ITGA5: variants seen among roughly 807,000 people sequenced by gnomAD.
ITGA5 encodes the protein integrin alpha-5.
In ITGA5, 55 loss-of-function variants were observed where a neutral mutation model predicts 146.3. The observed-to-expected ratio is 0.38, with a 90% CI of 0.30 to 0.47. The LOEUF is 0.47. Ranked by LOEUF, ITGA5 falls within the 20% of genes least tolerant of loss-of-function variation. ITGA5 has a pLI of 0.99. For missense variants in ITGA5, 1,131 were observed against 1,329.0 expected (o/e 0.85, Z 2.32); for synonymous variants, 500 against 531.8 (o/e 0.94, Z 0.82).
rs1282401868 is a variant in ITGA5, at chr12:54,409,821, CAT to C, written c.350-226_350-225del. ...ACACACATACACATACACACACACA[CAT>C]ACATACACACGCACGCACACGCACA... On this transcript the variant is annotated intron_variant, in intron 2 of 29. Coordinates refer to ENST00000293379, the MANE Select transcript of ITGA5 (RefSeq NM_002205.5). This position sits in a 1 kb window ranked among gnomAD's most constrained non-coding sequence, Gnocchi z 4.7. 2.0e-5 allele frequency: 10 copies of C among 492,866 alleles called. No individual in the cohort carries two copies. The highest frequency in any genetic ancestry group is 1.7e-4 in the South Asian group (7 of 40,204). The allele number at this position is 492,866 out of a possible 1,614,324, so 30.5% of individuals were successfully genotyped here. A position where few individuals can be genotyped will look rare whatever the true frequency, so the allele number is the denominator to read the frequency against.
chr12:54,419,090 G>T lies in ITGA5; in HGVS notation c.109C>A (p.Pro37Thr), dbSNP rs748198005. Residue 37 changes from proline (P) to threonine (T), a missense_variant, in exon 1 of 30, where the codon CCC becomes ACC. By Grantham distance (38) the Pro-to-Thr change is conservative. Transcript: ENST00000293379. ...TCTAAGTTGAAGCCCCCGACCCTGG[G>T]TGGCGGCGGCAGCAGCAGCAACAGC... is the stretch of plus-strand genomic sequence containing the variant. ...PLLLLLLPPPPRVGGFNLDAE... is the reference protein window; with the variant it reads ...PLLLLLLPPPTRVGGFNLDAE... 12 of 1,588,698 alleles carry T rather than the reference G, an allele frequency of 7.6e-6. No individual in the cohort carries two copies. In the Admixed American group the frequency reaches 2.2e-4, roughly 29 times the overall value.
intron 2 of ITGA5, 35 bp downstream of exon 2, chr12:54,411,799 A>T (rs200394361): frequency 8.5e-5 from 102 of 1,204,216 alleles, no homozygotes; most frequent in Non-Finnish European, 1.0e-4. Context: ...CTGCAGTCCC[A>T]CCCCCCAGTC....
intron 2 of ITGA5, among the ~76,000 whole-genome samples, chr12:54,410,612 A>G (rs574020399): frequency 6.6e-6 from 1 of 151,574 alleles, no homozygotes; most frequent in South Asian, 2.1e-4. Flanking sequence ...GCAGTGGGGC[A>G]AGTAGCACTC....
chr12:54,396,144 T>C lies in ITGA5; in HGVS notation c.*149A>G, dbSNP rs1387403740. ...ATCCCCAGCTCCTCACCCCCCTGGC[T>C]CTGGCCCTTCAAGTATGTCTCTGGG... is the stretch of plus-strand genomic sequence containing the variant. On this transcript the variant is annotated 3_prime_UTR_variant, in exon 30 of 30. Transcript: ENST00000293379. The C allele has an allele frequency of 4.8e-6, 3 of 631,448 alleles. No homozygotes were observed. The highest frequency in any genetic ancestry group is 3.7e-5 in the African/African-American group (2 of 54,466). The allele number at this position is 631,448 out of a possible 1,614,324, so 39.1% of individuals were successfully genotyped here.
At chr12:54,398,054 C>T (rs1263971380) in intron 28 of ITGA5, among the ~76,000 whole-genome samples, 3 of 152,110 alleles carry the variant, frequency 2.0e-5, no homozygotes, top group Admixed American at 6.5e-5. Context: ...TGCGCCACCA[C>T]ATCTGGCTAA....
Position 54,402,085 on chromosome 12 carries a change from G to C in ITGA5, c.2142C>G (p.Ser714=), listed in dbSNP as rs151324601. Residue 714 remains serine, a synonymous_variant, in exon 21 of 30, where the codon TCC becomes TCG. Coordinates refer to ENST00000293379, the MANE Select transcript of ITGA5 (RefSeq NM_002205.5). The stretch of plus-strand genomic sequence containing the variant: ...CGGCAAAGTAGTCACAGCTCAGGCT[G>C]GAGAAGTTCTGGAGATGGGGTGGGC... ...SGLVRHPGNF[S]SLSCDYFAVN... is the part of the protein sequence containing the mutation. 9.1e-4 allele frequency: 1,473 copies of C among 1,614,170 alleles called. 2 individuals are homozygous for C. The highest frequency in any genetic ancestry group is 1.2e-3 in the Non-Finnish European group (1,392 of 1,180,022).
Position 54,419,176 on chromosome 12 carries a change from G to T in ITGA5, c.23C>A (p.Ser8Tyr). The change falls in exon 1 of 30, where the codon TCC (serine) becomes TAC (tyrosine). Residue 8 changes from serine to tyrosine, a missense_variant. By Grantham distance (144) the Ser-to-Tyr change is moderately radical. Coordinates refer to ENST00000293379, the MANE Select transcript of ITGA5 (RefSeq NM_002205.5). ...GCGCAGCTGCACGGCGTGGAGAGGGGACTCTGGCGTCCGGCTCCCCATAGC... is the reference window on the plus strand; with the variant it reads ...GCGCAGCTGCACGGCGTGGAGAGGGTACTCTGGCGTCCGGCTCCCCATAGC... MGSRTPE[S>Y]PLHAVQLRWG... The T allele has an allele frequency of 6.4e-7, 1 of 1,572,802 alleles. No homozygotes were observed. The highest frequency in any genetic ancestry group is 8.6e-7 in the Non-Finnish European group (1 of 1,160,290).
At chr12:54,397,269 G>T in intron 29 of ITGA5, 96 bp downstream of exon 29, 1 of 1,388,284 alleles carries the variant, frequency 7.2e-7, no homozygotes, top group Non-Finnish European at 1.0e-6. Flanking sequence ...GCACATGGCT[G>T]GTGAACTGGT....
At chr12:54,417,336 A>C (rs1472571509) in intron 1 of ITGA5, among the ~76,000 whole-genome samples, 2 of 151,766 alleles carry the variant, frequency 1.3e-5, no homozygotes, top group African/African-American at 4.8e-5. Flanking sequence ...CTGCGGGAGG[A>C]GACCTCATCC....
In ITGA5 at chr12:54,403,255, C is replaced by T; in HGVS notation, c.1846G>A (p.Ala616Thr). 1.9e-6 allele frequency: 3 copies of T among 1,567,188 alleles called. No individual in the cohort carries two copies. Among genetic ancestry groups the T allele is most frequent in the Non-Finnish European group, 2.6e-6 (3 of 1,159,990 alleles). Residue 616 changes from alanine (A) to threonine (T), a missense_variant, in exon 18 of 30, where the codon GCC becomes ACC. This residue lies in a region of ITGA5 where 889 missense variants were observed against 1,021.5 expected (regional missense o/e 0.87). Coordinates refer to ENST00000293379, the MANE Select transcript of ITGA5 (RefSeq NM_002205.5). This position sits in a 1 kb window ranked among gnomAD's most constrained non-coding sequence, Gnocchi z 4.9. ...IALNFSLDPQ[A>T]PVDSHGLRPA... The stretch of plus-strand genomic sequence containing the variant: ...CTGAGGCCGTGGCTGTCCACTGGGG[C>T]TTGGGGGTCCAAGGAGAAGTTGAGA...
chr12:54,419,152 C>A lies in ITGA5; in HGVS notation c.47G>T (p.Arg16Leu). 1 of 1,585,552 alleles carries A rather than the reference C, an allele frequency of 6.3e-7. No homozygotes were observed. The highest frequency in any genetic ancestry group is 1.1e-5 in the South Asian group (1 of 88,762). Residue 16 changes from arginine (R) to leucine (L), a missense_variant, in exon 1 of 30, where the codon CGC (arginine) becomes CTC (leucine). Arg to Leu is a moderately radical substitution (Grantham distance 102). Around this residue, in one of 3 missense-constraint regions of ITGA5, gnomAD observed 175 missense variants for 179.3 expected, o/e 0.98. Transcript: ENST00000293379. ...PESPLHAVQL[R>L]WGPRRRPPLL... ...CGGGGGTCGGCGCCGGGGGCCCCAG[C>A]GCAGCTGCACGGCGTGGAGAGGGGA... is the stretch of plus-strand genomic sequence containing the variant.
At position 54,399,635 on chromosome 12, in the gene ITGA5, G is replaced by T. The variant is rs752692825; in HGVS notation, c.2841+10C>A. ...GGTCAGGGGTCAGGGCTGAGGTAAGGCTCCCTCACCTGCAAGAAAGTCTTG... is the reference window on the plus strand; with the variant it reads ...GGTCAGGGGTCAGGGCTGAGGTAAGTCTCCCTCACCTGCAAGAAAGTCTTG... On this transcript the variant is annotated intron_variant, in intron 27 of 29. Coordinates refer to ENST00000293379, the MANE Select transcript of ITGA5 (RefSeq NM_002205.5). 15 of 1,599,986 alleles carry T rather than the reference G, an allele frequency of 9.4e-6. No individual in the cohort carries two copies. The highest frequency in any genetic ancestry group is 1.7e-4 in the Middle Eastern group (1 of 6,042).
rs1261244924 is a variant in ITGA5 at position 54,409,154 on chromosome 12, G to A, written c.583+78C>T. ...CCTCATGGGGGCACATGGTAGGTGC[G>A]AGTCAACCCTAAGTATGTGAGACAC... On this transcript the variant is annotated intron_variant, in intron 4 of 29. Transcript: ENST00000293379. The surrounding 1 kb of genome is among the most constrained non-coding windows in gnomAD (Gnocchi z 4.7). The A allele has an allele frequency of 3.9e-6, 6 of 1,550,400 alleles. No individual in the cohort carries two copies. The South Asian group carries it at 4.9e-5, about 13-fold the overall frequency.
chr12:54,398,526 C>A, intron 28 of ITGA5, 71 bp downstream of exon 28: 1 of 1,119,700 alleles, frequency 8.9e-7, no homozygotes, highest in South Asian at 1.3e-5. Context: ...CAGCCCTCAC[C>A]CAAGTCCCAG....
In ITGA5 at chr12:54,408,244, A is replaced by C. The variant is rs1955892957; in HGVS notation, c.692-9T>G. On this transcript the variant is annotated splice_polypyrimidine_tract_variant and intron_variant, in intron 6 of 29. Coordinates refer to ENST00000293379, the MANE Select transcript of ITGA5 (RefSeq NM_002205.5). The stretch of plus-strand genomic sequence containing the variant: ...GGCAGACAGGATCTGGCCTGGAGAG[A>C]GTATGAAGAGGGAGTAGATGGAGAG... 6.2e-7 allele frequency: 1 copy of C among 1,613,664 alleles called. No individual in the cohort carries two copies. Among genetic ancestry groups the C allele is most frequent in the Non-Finnish European group, 8.5e-7 (1 of 1,179,874 alleles).
rs1189302039 is a variant in ITGA5, at chr12:54,408,069, A to G, written c.817+41T>C. 4 of 1,612,052 alleles carry G rather than the reference A, an allele frequency of 2.5e-6. No individual in the cohort carries two copies. The African/African-American group carries it at 5.3e-5, about 22-fold the overall frequency. On this transcript the variant is annotated intron_variant, in intron 7 of 29. Transcript: ENST00000293379. ...GGGTGAGTGGGGACAGGAGCACTTG[A>G]GGTTCTCCCTCTGCCATCCCTTCCC...
intron 5 of ITGA5, 34 bp from the exon 6 acceptor site, chr12:54,408,835 T>C: frequency 6.2e-7 from 1 of 1,612,864 alleles, no homozygotes; most frequent in East Asian, 2.2e-5. Flanking sequence ...CAACATCTGG[T>C]CCCAATCCCC....
chr12:54,402,983 C>T lies in ITGA5; in HGVS notation c.1982G>A (p.Gly661Glu), dbSNP rs754880396. The change falls in exon 19 of 30, where the codon GGG becomes GAG. Residue 661 changes from glycine to glutamate, a missense_variant and splice_region_variant. Transcript: ENST00000293379. ...CVPDLQLEVF[G>E]EQNHVYLGDK... Reference sequence around the variant, plus strand: ...CTAGCTTACCGTCAGCCCTACTTACCCAAACACTTCCAGCTGCAGGTCAGG... The same window carrying T: ...CTAGCTTACCGTCAGCCCTACTTACTCAAACACTTCCAGCTGCAGGTCAGG... 12 of 1,613,830 alleles carry T rather than the reference C, an allele frequency of 7.4e-6. No individual in the cohort carries two copies. Among genetic ancestry groups the T allele is most frequent in the African/African-American group, 1.3e-5 (1 of 74,878 alleles).
chr12:54,414,311 C>T (rs913779772), intron 1 of ITGA5, among the ~76,000 whole-genome samples: 8 of 152,202 alleles, frequency 5.3e-5, no homozygotes, highest in African/African-American at 1.4e-4. Context: ...TTCCTAAATC[C>T]TGCAGCAGTT....
Sources: allele counts gnomAD v4.1 joint callset (sites outside exome capture counted in the v4.1 genomes callset), GRCh38; gene constraint gnomAD v4.1.1; regional missense constraint gnomAD v4.1.1; non-coding constraint Gnocchi (gnomAD v3.1); transcripts MANE v1.5; gene names NCBI Gene and HGNC (gene_info 2026-07-23, HGNC 2026-07-21).